The following ANKRD28 variants were observed in gnomAD, a reference collection of about 807,000 sequenced individuals.
ANKRD28 encodes the protein serine/threonine-protein phosphatase 6 regulatory ankyrin repeat subunit A.
A neutral mutation model predicts 126.5 loss-of-function variants in ANKRD28; 44 were observed. The ratio of observed to expected loss-of-function variants is 0.35; its 90% CI spans 0.27 to 0.45. ANKRD28 has a LOEUF of 0.45. ANKRD28 is among the 20% of genes least tolerant of loss of function. ANKRD28 has a pLI of 1.00. For synonymous variants in ANKRD28, 442 were observed against 468.5 expected (o/e 0.94, Z 0.73); for missense variants, 1,110 against 1,316.6 (o/e 0.84, Z 2.43).
At chr3:15,844,558 C>T (rs1344998305) in intron 1 of ANKRD28, among the ~76,000 whole-genome samples, 2 of 152,006 alleles carry the variant, frequency 1.3e-5, no homozygotes, top group East Asian at 3.9e-4. Context: ...ATCTGGAAGG[C>T]TTATAAGGCA....
chr3:15,712,908 A>C (rs2072511475), intron 10 of ANKRD28, among the ~76,000 whole-genome samples: 2 of 152,250 alleles, frequency 1.3e-5, no homozygotes, highest in Admixed American at 1.3e-4. Flanking sequence ...CATTACAGAA[A>C]GTAAAAAAGA....
chr3:15,703,565 A>G (rs771124269), intron 14 of ANKRD28, among the ~76,000 whole-genome samples: 1 of 152,242 alleles, frequency 6.6e-6, no homozygotes, highest in Non-Finnish European at 1.5e-5. Context: ...GGCCTTCTCC[A>G]GACACTGAAT....
intron 1 of ANKRD28, among the ~76,000 whole-genome samples, chr3:15,805,998 T>C (rs1437462425): frequency 2.6e-5 from 4 of 152,202 alleles, no homozygotes; most frequent in Admixed American, 6.5e-5. Flanking sequence ...CTGAACCATA[T>C]TGGAGACAAA....
chr3:15,859,389 T>C, exon 1 of ANKRD28: 2 of 1,528,562 alleles, frequency 1.3e-6, no homozygotes, highest in Non-Finnish European at 1.8e-6. Flanking sequence ...GGTCACGGAG[T>C]TTGAGGAACG....
At chr3:15,819,255 G>A (rs1012424179) in intron 1 of ANKRD28, among the ~76,000 whole-genome samples, 1 of 152,070 alleles carries the variant, frequency 6.6e-6, no homozygotes, top group African/African-American at 2.4e-5. Context: ...TCTAAACTGG[G>A]CAATAGAGCA....
At position 15,812,316 on chromosome 3, in the gene ANKRD28, G is replaced by A. The variant is rs200260732; in HGVS notation, c.28-17010C>T. Among the ~76,000 whole-genome samples the A allele has an allele frequency of 6.6e-6, 1 of 150,576 alleles. No homozygotes were observed. The highest frequency in any genetic ancestry group is 2.0e-4 in the East Asian group (1 of 5,104). On this transcript the variant is annotated intron_variant, in intron 1 of 27. Transcript: ENST00000399451. The surrounding 1 kb of genome is among the most constrained non-coding windows in gnomAD (Gnocchi z 4.1). The stretch of plus-strand genomic sequence containing the variant: ...CTATACCATTATCTTAATTTCATTT[G>A]TTTTTTAAATGAATTTTCAAATGGT...
intron 18 of ANKRD28, among the ~76,000 whole-genome samples, chr3:15,687,902 C>G (rs1575152306): frequency 6.6e-6 from 1 of 152,158 alleles, no homozygotes; most frequent in African/African-American, 2.4e-5. Context: ...ACAGCAAGCA[C>G]AGCATCTCTG....
intron 3 of ANKRD28, among the ~76,000 whole-genome samples, chr3:15,759,015 T>G (rs1166824601): frequency 6.6e-6 from 1 of 152,234 alleles, no homozygotes; most frequent in Admixed American, 6.5e-5. Flanking sequence ...TAGTTTTGAA[T>G]GCAAGCATTA....
rs778103052 is a variant in ANKRD28 at position 15,735,454 on chromosome 3, A to G, written c.596T>C (p.Phe199Ser). The G allele has an allele frequency of 6.4e-7, 1 of 1,560,806 alleles. No homozygotes were observed. The highest frequency in any genetic ancestry group is 8.7e-7 in the Non-Finnish European group (1 of 1,151,180). ...GATAGCACGCCTATCTTTCTTGTCA[A>G]AAGCATTAATATTGGCACCTCTAGA... ...LLSRGANINAFDKKDRRAIHW... is the reference protein window; with the variant it reads ...LLSRGANINASDKKDRRAIHW... Residue 199 changes from phenylalanine (F) to serine (S), a missense_variant, in exon 6 of 28, where the codon TTT becomes TCT. Coordinates refer to ENST00000683139, the MANE Select transcript of ANKRD28 (RefSeq NM_001349278.2).
Position 15,830,826 on chromosome 3 carries a change from G to A in ANKRD28, c.27+28551C>T, listed in dbSNP as rs115534159. On this transcript the variant is annotated intron_variant, in intron 1 of 27. Transcript: ENST00000399451. The surrounding 1 kb of genome is among the most constrained non-coding windows in gnomAD (Gnocchi z 4.5). ...ATTCTTGGTGGGACCTTTAAGTCACGGAGTATCAGCTTGACCTCTGGAGGG... is the reference window on the plus strand; with the variant it reads ...ATTCTTGGTGGGACCTTTAAGTCACAGAGTATCAGCTTGACCTCTGGAGGG... Among the ~76,000 whole-genome samples, 103 of 152,152 alleles carry A rather than the reference G, an allele frequency of 6.8e-4. No homozygotes were observed. Among genetic ancestry groups the A allele is most frequent in the African/African-American group, 2.4e-3 (98 of 41,508 alleles).
chr3:15,699,786 G>A (rs2070284674), intron 14 of ANKRD28, among the ~76,000 whole-genome samples: 1 of 152,216 alleles, frequency 6.6e-6, no homozygotes, highest in Non-Finnish European at 1.5e-5. Context: ...CACTGTCAGT[G>A]GGAGTGTAAA....
intron 15 of ANKRD28, among the ~76,000 whole-genome samples, chr3:15,695,699 A>G (rs1352581313): frequency 6.6e-6 from 1 of 152,142 alleles, no homozygotes; most frequent in East Asian, 1.9e-4. Context: ...AGCAGAAATA[A>G]AAACGTCCTC....
At chr3:15,808,693 C>T (rs1322624174) in intron 1 of ANKRD28, among the ~76,000 whole-genome samples, 1 of 152,050 alleles carries the variant, frequency 6.6e-6, no homozygotes, top group Non-Finnish European at 1.5e-5. Flanking sequence ...TTGGTTTAAC[C>T]TTCTGTTCCT....
At chr3:15,673,530 A>G (rs2066593645) in intron 27 of ANKRD28, among the ~76,000 whole-genome samples, 1 of 152,270 alleles carries the variant, frequency 6.6e-6, no homozygotes, top group Admixed American at 6.5e-5. Flanking sequence ...ACAAAAAAGT[A>G]CATTATATAC....
At chr3:15,780,627 G>GA (rs1424812848) in intron 2 of ANKRD28, among the ~76,000 whole-genome samples, 2 of 151,654 alleles carry the variant, frequency 1.3e-5, no homozygotes, top group Admixed American at 6.6e-5. Context: ...AATAACCAGC[G>GA]AAAAAAACAA....
At chr3:15,737,886 G>A (rs968501922) in intron 4 of ANKRD28, among the ~76,000 whole-genome samples, 3 of 122,604 alleles carry the variant, frequency 2.4e-5, no homozygotes, top group Admixed American at 9.2e-5. Flanking sequence ...AAAATCACTA[G>A]GATCAATTTC....
intron 17 of ANKRD28, among the ~76,000 whole-genome samples, chr3:15,690,539 T>C (rs1270561595): frequency 6.6e-6 from 1 of 152,158 alleles, no homozygotes; most frequent in Non-Finnish European, 1.5e-5. Context: ...AGTCTTGATT[T>C]CAAGTCTGAT....
rs1382890725 is a variant in ANKRD28 at position 15,846,373 on chromosome 3, T to TCA, written c.27+13002_27+13003dup. 6.6e-6 allele frequency among the ~76,000 whole-genome samples: 1 copy of TCA among 152,228 alleles called. No individual in the cohort carries two copies. The highest frequency in any genetic ancestry group is 1.9e-4 in the East Asian group (1 of 5,200). On this transcript the variant is annotated intron_variant, in intron 1 of 27. Transcript: ENST00000399451. The surrounding 1 kb of genome is among the most constrained non-coding windows in gnomAD (Gnocchi z 5.4). ...AAATAATCTCCTTTGACTCCATGTC[T>TCA]CACATCCAGGGCACACTGATGCAAG...
At chr3:15,713,725 G>A in intron 9 of ANKRD28, 84 bp from the exon 10 acceptor site, 1 of 825,600 alleles carries the variant, frequency 1.2e-6, no homozygotes, top group Non-Finnish European at 1.9e-6. Context: ...AAAAAATGCT[G>A]TTCACATACA....
Sources: gnomAD v4.1 joint callset for allele counts (sites outside exome capture counted in the v4.1 genomes callset) on GRCh38, gnomAD v4.1.1 for gene constraint, Gnocchi (gnomAD v3.1) non-coding constraint, MANE v1.5 for transcripts, NCBI Gene and HGNC (gene_info 2026-07-23, HGNC 2026-07-21) for gene names.